STXBP5: variants seen among roughly 807,000 people sequenced by gnomAD.
STXBP5 encodes syntaxin-binding protein 5.
STXBP5 carries 50 observed loss-of-function variants against 152.4 expected under a neutral mutation model. The observed-to-expected ratio is 0.33, with a 90% confidence interval of 0.26 to 0.42. The LOEUF (loss-of-function observed/expected upper bound fraction) is 0.42. Ranked by LOEUF, STXBP5 falls within the 10% of genes least tolerant of loss-of-function variation. STXBP5 has a pLI of 1.00. For synonymous variants in STXBP5, 492 were observed against 494.7 expected, an observed-to-expected ratio of 0.99 and a Z score of 0.07; for missense variants, 1,167 against 1,388.6, an observed-to-expected ratio of 0.84 and a Z score of 2.54.
chr6:147,220,371 T>A (rs534348323), intron 2 of STXBP5, among the ~76,000 whole-genome samples: 1 of 152,290 alleles, frequency 6.6e-6, no homozygotes, highest in South Asian at 2.1e-4. Context: ...ACGTAGACTG[T>A]AGATGTCCAT....
chr6:147,362,258 T>TTTA (rs1785102214), intron 23 of STXBP5, among the ~76,000 whole-genome samples: 2 of 152,248 alleles, frequency 1.3e-5, no homozygotes, highest in Admixed American at 1.3e-4. Flanking sequence ...CAGGAACTCT[T>TTTA]TTTCTTAGAA....
chr6:147,334,722 G>GTGTGTATA (rs772668111), intron 19 of STXBP5, among the ~76,000 whole-genome samples: 38 of 152,104 alleles, frequency 2.5e-4, no homozygotes, highest in Non-Finnish European at 4.3e-4. Flanking sequence ...TATGTGACCT[G>GTGTGTATA]TGTGTATATT....
chr6:147,292,322 A>C (rs532136967), intron 9 of STXBP5: 7 of 439,084 alleles, frequency 1.6e-5, no homozygotes, highest in African/African-American at 1.2e-4. Flanking sequence ...GAACTCTAAG[A>C]GGTGTATCAT....
At position 147,204,441 on chromosome 6, in the gene STXBP5, G is replaced by C. The variant is rs1016554202; in HGVS notation, c.-92G>C. 5.4e-6 allele frequency: 7 copies of C among 1,294,360 alleles called. No homozygotes were observed. The highest frequency in any genetic ancestry group is 7.5e-6 in the Non-Finnish European group (7 of 931,318). The allele number at this position is 1,294,360 out of a possible 1,614,324, so 80.2% of individuals were successfully genotyped here. On this transcript the variant is annotated 5_prime_UTR_variant, in exon 1 of 28. Transcript: ENST00000321680. This position sits in a 1 kb window ranked among gnomAD's most constrained non-coding sequence, Gnocchi z 4.3. ...CACACTCCCACTCCTCCGTTTCCGC[G>C]GTCGAAGCTGCCTTCGGCCCCGGGT...
At position 147,204,835 on chromosome 6, in the gene STXBP5, C is replaced by A. The variant is rs1776456936; in HGVS notation, c.150+153C>A. 6.6e-6 allele frequency among the ~76,000 whole-genome samples: 1 copy of A among 152,150 alleles called. No individual in the cohort carries two copies. Among genetic ancestry groups the A allele is most frequent in the African/African-American group, 2.4e-5 (1 of 41,420 alleles). On this transcript the variant is annotated intron_variant, in intron 1 of 27. Coordinates refer to ENST00000321680, the MANE Select transcript of STXBP5 (RefSeq NM_001127715.4). This position sits in a 1 kb window ranked among gnomAD's most constrained non-coding sequence, Gnocchi z 4.3. ...AAAGGCTCGCTCCTCCCTTGGCAAA[C>A]GTTTCTTCGGTGGGTTGTTTTGGAG...
chr6:147,273,444 A>G (rs1477036158), intron 7 of STXBP5, among the ~76,000 whole-genome samples: 1 of 152,148 alleles, frequency 6.6e-6, no homozygotes, highest in Non-Finnish European at 1.5e-5. Context: ...TTTTAAGACA[A>G]TAATACTTAT....
At chr6:147,366,118 G>A (rs559864280) in intron 25 of STXBP5, among the ~76,000 whole-genome samples, 1 of 152,290 alleles carries the variant, frequency 6.6e-6, no homozygotes, top group Admixed American at 6.5e-5. Context: ...GAAGAGGCAG[G>A]AACAAGAGTT....
chr6:147,349,332 G>A (rs146557795), intron 21 of STXBP5, among the ~76,000 whole-genome samples: 1 of 152,256 alleles, frequency 6.6e-6, no homozygotes, highest in Non-Finnish European at 1.5e-5. Context: ...CCCGGAAATG[G>A]GACAGGGATT....
chr6:147,238,225 T>C (rs1185196001), intron 3 of STXBP5, among the ~76,000 whole-genome samples: 1 of 152,182 alleles, frequency 6.6e-6, no homozygotes, highest in African/African-American at 2.4e-5. Context: ...TGACTTCTGG[T>C]GAGGGTCTCA....
chr6:147,286,627 A>G (rs1780975852), intron 8 of STXBP5, among the ~76,000 whole-genome samples: 2 of 152,212 alleles, frequency 1.3e-5, no homozygotes, highest in Admixed American at 1.3e-4. Flanking sequence ...AAAATAATTA[A>G]TGTAATAAAT....
chr6:147,359,892 A>G (rs547912223), intron 23 of STXBP5, among the ~76,000 whole-genome samples: 12 of 152,104 alleles, frequency 7.9e-5, no homozygotes, highest in African/African-American at 2.7e-4. Context: ...CCAGCAACCT[A>G]CTCATCTGAC....
intron 2 of STXBP5, among the ~76,000 whole-genome samples, chr6:147,214,963 G>C (rs1777085842): frequency 6.6e-6 from 1 of 152,176 alleles, no homozygotes; most frequent in Admixed American, 6.5e-5. Flanking sequence ...TAGGGTGGAT[G>C]AGTATGTGTG....
intron 10 of STXBP5, among the ~76,000 whole-genome samples, chr6:147,310,754 A>T (rs1240831491): frequency 6.6e-6 from 1 of 152,114 alleles, no homozygotes; most frequent in Non-Finnish European, 1.5e-5. Context: ...AGGAAACCTC[A>T]GTTTGTGCTT....
At chr6:147,314,704 A>C in intron 14 of STXBP5, 68 bp downstream of exon 14, 3 of 1,172,528 alleles carry the variant, frequency 2.6e-6, no homozygotes, top group Non-Finnish European at 3.6e-6. Context: ...ATCCTGTTTT[A>C]TAATAATTGC....
At chr6:147,372,406 C>CTTTTT (rs1583009383) in intron 25 of STXBP5, among the ~76,000 whole-genome samples, 780 of 39,108 alleles carry the variant, frequency 0.02, 363 homozygotes, top group East Asian at 0.037. Flanking sequence ...CCGTCCTTTT[C>CTTTTT]CTTTTTTTTT....
intron 2 of STXBP5, among the ~76,000 whole-genome samples, chr6:147,210,839 A>G (rs1460420116): frequency 6.6e-6 from 1 of 152,160 alleles, no homozygotes; most frequent in African/African-American, 2.4e-5. Flanking sequence ...ATAATACATG[A>G]TTATTATTAA....
In STXBP5 at chr6:147,315,664, A is replaced by T; in HGVS notation, c.1552A>T (p.Ile518Phe). 1 of 1,613,952 alleles carries T rather than the reference A, an allele frequency of 6.2e-7. No homozygotes were observed. The highest frequency in any genetic ancestry group is 8.5e-7 in the Non-Finnish European group (1 of 1,179,920). Residue 518 changes from isoleucine to phenylalanine, a missense_variant, in exon 15 of 28, where the codon ATC (isoleucine) becomes TTC (phenylalanine). Ile to Phe is a conservative substitution (Grantham distance 21, BLOSUM62 0). Transcript: ENST00000321680. ...GTGTCCAGAAAGTAGAATGCTGTGCATCGCTGGAGTTTCAGCTCATGTCAT... is the reference window on the plus strand; with the variant it reads ...GTGTCCAGAAAGTAGAATGCTGTGCTTCGCTGGAGTTTCAGCTCATGTCAT... ...SWCPESRMLC[I>F]AGVSAHVIIY...
chr6:147,208,523 T>C (rs888019438), intron 2 of STXBP5, among the ~76,000 whole-genome samples: 2 of 152,172 alleles, frequency 1.3e-5, no homozygotes, highest in Non-Finnish European at 2.9e-5. Flanking sequence ...ATCTTTTGTA[T>C]ATTTTCCTAT....
intron 21 of STXBP5, among the ~76,000 whole-genome samples, chr6:147,346,669 G>A (rs1011882608): frequency 2.0e-5 from 3 of 151,968 alleles, no homozygotes; most frequent in African/African-American, 4.8e-5. Flanking sequence ...GAACCCAGGC[G>A]GCGGAGGTTG....
Sources: gnomAD v4.1 joint callset for allele counts (sites outside exome capture counted in the v4.1 genomes callset) on GRCh38, gnomAD v4.1.1 for gene constraint, Gnocchi (gnomAD v3.1) non-coding constraint, MANE v1.5 for transcripts, NCBI Gene and HGNC (gene_info 2026-07-23, HGNC 2026-07-21) for gene names.